MSN: variants seen among roughly 807,000 people sequenced by gnomAD.
MSN encodes epididymis luminal protein 70.
In MSN, 2 loss-of-function variants were observed where a neutral mutation model predicts 48.0. The ratio of observed to expected loss-of-function variants is 0.04; its 90% CI spans 0.02 to 0.13. The LOEUF is 0.13. Among genes scored for constraint, MSN ranks in the 10% least tolerant of loss-of-function variants. The probability of loss-of-function intolerance (pLI) is 1.00; values close to 1 mark genes in which losing one functional copy is unlikely to be tolerated. For synonymous variants in MSN, 146 were observed against 166.9 expected (o/e 0.87, Z 0.97); for missense variants, 267 against 470.1 (o/e 0.57, Z 3.99).
chrX:65,694,429 C>A (rs976387050), intron 1 of MSN, among the ~76,000 whole-genome samples: 2 of 109,804 alleles, frequency 1.8e-5, no homozygotes, highest in Non-Finnish European at 3.8e-5. Flanking sequence ...TCCCAGGTTC[C>A]AGCGATTCCC....
chrX:65,671,399 T>C (rs1438388831), intron 1 of MSN, among the ~76,000 whole-genome samples: 1 of 111,153 alleles, frequency 9.0e-6, no homozygotes, highest in Non-Finnish European at 1.9e-5. Context: ...CCTTGAAGTA[T>C]TTGAAGGTGT....
At chrX:65,699,591 TA>T (rs953083123) in intron 1 of MSN, among the ~76,000 whole-genome samples, 2 of 106,339 alleles carry the variant, frequency 1.9e-5, no homozygotes, top group Admixed American at 1.0e-4. Flanking sequence ...CTACTAAAAA[TA>T]AAAAAAAATA....
chrX:65,678,145 T>G (rs1349172658), intron 1 of MSN, among the ~76,000 whole-genome samples: 1 of 111,817 alleles, frequency 8.9e-6, no homozygotes, highest in African/African-American at 3.3e-5. Flanking sequence ...CTGCCTTATT[T>G]GGCTATTTTC....
chrX:65,635,836 C>G (rs2070594560), intron 1 of MSN, among the ~76,000 whole-genome samples: 1 of 111,856 alleles, frequency 8.9e-6, no homozygotes. Flanking sequence ...TAACATGTGC[C>G]TCAATTCCCA....
intron 1 of MSN, among the ~76,000 whole-genome samples, chrX:65,694,783 T>G (rs2071214878): frequency 9.0e-6 from 1 of 111,687 alleles, no homozygotes; most frequent in African/African-American, 3.3e-5. Flanking sequence ...TATCTATCAC[T>G]TTGTAAAGAG....
chrX:65,686,730 A>G (rs2071119022), intron 1 of MSN, among the ~76,000 whole-genome samples: 1 of 111,999 alleles, frequency 8.9e-6, no homozygotes, highest in Non-Finnish European at 1.9e-5. Flanking sequence ...GGGAATGATT[A>G]TGTGTTAACC....
At chrX:65,688,840 C>T in intron 1 of MSN, among the ~76,000 whole-genome samples, 1 of 111,949 alleles carries the variant, frequency 8.9e-6, no homozygotes, top group South Asian at 3.7e-4. Context: ...TAGTGTCAGA[C>T]CACTGCCTTC....
rs2070887884 is a variant in MSN, at chrX:65,667,722, C to T, written c.-120C>T. 8.8e-7 allele frequency: 1 copy of T among 1,142,217 alleles called. No homozygotes were observed. The highest frequency in any genetic ancestry group is 1.8e-5 in the African/African-American group (1 of 56,027). The allele number at this position is 1,142,217 out of a possible 1,213,427, so 94.1% of individuals were successfully genotyped here. On this transcript the variant is annotated 5_prime_UTR_variant, in exon 1 of 13. Coordinates refer to ENST00000360270, the MANE Select transcript of MSN (RefSeq NM_002444.3). ...AGGAAGCCTAACAGTCGCCCCGACG[C>T]TAGTGAGGGACCCAATCTGAGTCCC...
At chrX:65,701,460 T>C (rs1168959193) in intron 1 of MSN, among the ~76,000 whole-genome samples, 2 of 112,168 alleles carry the variant, frequency 1.8e-5, no homozygotes, top group African/African-American at 3.2e-5. Context: ...CCTGGTCCTG[T>C]TCTCTCATTT....
At chrX:65,641,550 G>GTGTATATA (rs2070651211) in intron 1 of MSN, among the ~76,000 whole-genome samples, 3 of 15,382 alleles carry the variant, frequency 2.0e-4, no homozygotes, top group African/African-American at 2.4e-4. Context: ...AAAAAGTGAA[G>GTGTATATA]TATATATATA....
rs978545672 is a variant in MSN at position 65,588,501 on chromosome X, G to C, written c.-133G>C. ...CCATGCAGGGGCAGCCATGAGCTCC[G>C]GGGGCAGCAGCAAGGCTGGCCACAC... On this transcript the variant is annotated 5_prime_UTR_variant, in exon 1 of 4. Coordinates refer to the MSN transcript ENST00000609672. The C allele has an allele frequency of 4.0e-6, 3 of 755,115 alleles. No homozygotes were observed. In the East Asian group the frequency reaches 2.1e-4, roughly 53 times the overall value. The allele number at this position is 755,115 out of a possible 1,213,427, so 62.2% of individuals were successfully genotyped here.
chrX:65,710,321 G>A (rs2071401292), intron 1 of MSN, among the ~76,000 whole-genome samples: 1 of 111,575 alleles, frequency 9.0e-6, no homozygotes, highest in African/African-American at 3.3e-5. Flanking sequence ...TTGAGATCAG[G>A]GACCGGTTCT....
At chrX:65,649,421 CA>C (rs2070721515) in intron 1 of MSN, among the ~76,000 whole-genome samples, 1 of 92,299 alleles carries the variant, frequency 1.1e-5, no homozygotes, top group African/African-American at 3.9e-5. Context: ...AAAAAAAATA[CA>C]AAAATTAGCC....
At chrX:65,642,443 G>A (rs2070664381) in intron 1 of MSN, among the ~76,000 whole-genome samples, 1 of 109,230 alleles carries the variant, frequency 9.2e-6, no homozygotes, top group African/African-American at 3.3e-5. Flanking sequence ...GGTACATTGG[G>A]CAGAGTCCGC....
At chrX:65,636,622 C>G (rs1372705802) in intron 1 of MSN, among the ~76,000 whole-genome samples, 2 of 107,537 alleles carry the variant, frequency 1.9e-5, no homozygotes, top group Non-Finnish European at 3.8e-5. Context: ...TGGCGGGCAC[C>G]TGTAATCCTA....
chrX:65,715,681 C>G (rs931353133), intron 1 of MSN, among the ~76,000 whole-genome samples: 11 of 111,880 alleles, frequency 9.8e-5, no homozygotes, highest in Admixed American at 3.8e-4. Flanking sequence ...TTTTTGTACA[C>G]TGAGACTTTG....
At position 65,740,877 on chromosome X, in the gene MSN, G is replaced by C; in HGVS notation, c.*984G>C. On this transcript the variant is annotated 3_prime_UTR_variant, in exon 13 of 13. Coordinates refer to ENST00000360270, the MANE Select transcript of MSN (RefSeq NM_002444.3). ...AGCGTCAGTATTTTCCCTGCTAGGG[G>C]TTTTAGGTCTCTTCCCCTCTCAGAG... The C allele has an allele frequency of 5.8e-6, 1 of 171,902 alleles. No individual in the cohort carries two copies. The highest frequency in any genetic ancestry group is 1.1e-5 in the Non-Finnish European group (1 of 89,288). The allele number at this position is 171,902 out of a possible 1,213,427, so 14.2% of individuals were successfully genotyped here.
At chrX:65,638,213 T>C (rs2070621096) in intron 1 of MSN, among the ~76,000 whole-genome samples, 1 of 112,665 alleles carries the variant, frequency 8.9e-6, no homozygotes, top group African/African-American at 3.2e-5. Flanking sequence ...GTACTTGATG[T>C]GTGCTGCCAT....
chrX:65,690,279 A>G (rs756751091), intron 1 of MSN, among the ~76,000 whole-genome samples: 135 of 111,926 alleles, frequency 1.2e-3, no homozygotes, highest in Non-Finnish European at 2.2e-3. Context: ...GCCCATGTCA[A>G]TATGGCATGG....
Sources: gnomAD v4.1 joint callset for allele counts (sites outside exome capture counted in the v4.1 genomes callset) on GRCh38, gnomAD v4.1.1 for gene constraint, MANE v1.5 for transcripts, NCBI Gene and HGNC (gene_info 2026-07-23, HGNC 2026-07-21) for gene names.